SKI: variants seen among roughly 807,000 people sequenced by gnomAD.
SKI encodes the protein SKI proto-oncogene.
SKI carries 23 observed loss-of-function variants against 59.3 expected under a neutral mutation model. That is an observed-to-expected ratio of 0.39 (90% CI 0.28 to 0.55). The LOEUF is 0.55. Ranked by LOEUF, SKI falls within the 20% of genes least tolerant of loss-of-function variation. The pLI, the probability that SKI is intolerant of heterozygous loss-of-function variation, is 0.67. For missense variants in SKI, 1,017 were observed against 1,038.9 expected (o/e 0.98, Z 0.29); for synonymous variants, 673 against 488.6 (o/e 1.38, Z -4.98).
chr1:2,250,394 G>A (rs1357163592), intron 1 of SKI, among the ~76,000 whole-genome samples: 1 of 152,196 alleles, frequency 6.6e-6, no homozygotes, highest in African/African-American at 2.4e-5. Context: ...GTATGCCACT[G>A]TCCATGGCTG....
Position 2,303,650 on chromosome 1 carries a change from C to A in SKI, c.1212-190C>A. ...AGCTTCTTGATGTGTTGGCCTGTGTCTGGCCTTCGCAAGAGACCCAGCAAG... is the reference window on the plus strand; with the variant it reads ...AGCTTCTTGATGTGTTGGCCTGTGTATGGCCTTCGCAAGAGACCCAGCAAG... On this transcript the variant is annotated intron_variant, in intron 3 of 6. Transcript: ENST00000378536. This position sits in a 1 kb window ranked among gnomAD's most constrained non-coding sequence, Gnocchi z 5.6. 1 of 806,188 alleles carries A rather than the reference C, an allele frequency of 1.2e-6. No individual in the cohort carries two copies. Among genetic ancestry groups the A allele is most frequent in the Non-Finnish European group, 2.0e-6 (1 of 507,700 alleles). The allele number at this position is 806,188 out of a possible 1,614,324, so 49.9% of individuals were successfully genotyped here.
Position 2,229,342 on chromosome 1 carries a change from C to T in SKI, c.576C>T (p.Gly192=). 3 of 1,595,172 alleles carry T rather than the reference C, an allele frequency of 1.9e-6. No individual in the cohort carries two copies. The highest frequency in any genetic ancestry group is 2.6e-6 in the Non-Finnish European group (3 of 1,171,412). ...AERLCNALLY[G]GAYPPPCKKE... ...GCCTGTGCAACGCGCTGCTCTACGGCGGCGCCTACCCGCCGCCCTGCAAGA... is the reference window on the plus strand; with the variant it reads ...GCCTGTGCAACGCGCTGCTCTACGGTGGCGCCTACCCGCCGCCCTGCAAGA... Residue 192 remains glycine, a synonymous_variant, in exon 1 of 7, where the codon GGC becomes GGT. Coordinates refer to ENST00000378536, the MANE Select transcript of SKI (RefSeq NM_003036.4). This position sits in a 1 kb window ranked among gnomAD's most constrained non-coding sequence, Gnocchi z 6.3.
At chr1:2,279,453 G>T (rs1363976691) in intron 1 of SKI, among the ~76,000 whole-genome samples, 3 of 152,330 alleles carry the variant, frequency 2.0e-5, no homozygotes, top group Middle Eastern at 3.4e-3. Flanking sequence ...CCTCTCGCCT[G>T]TTCCCGCCCA....
intron 1 of SKI, among the ~76,000 whole-genome samples, chr1:2,232,102 C>T (rs543554966): frequency 1.3e-5 from 2 of 152,386 alleles, no homozygotes; most frequent in South Asian, 2.1e-4. Context: ...CCTCCGCCCT[C>T]ACTGGCCGCC....
At position 2,304,397 on chromosome 1, in the gene SKI, G is replaced by C; in HGVS notation, c.1579G>C (p.Asp527His). The stretch of plus-strand genomic sequence containing the variant: ...GCGTGCCCTGCCCTCGGCCGTCCCT[G>C]ATGCTGCGGCCCCTGCCGACGCCCC... ...GARALPSAVP[D>H]AAAPADAPSG... The change falls in exon 5 of 7, where the codon GAT (aspartate) becomes CAT (histidine). Residue 527 changes from aspartate (D) to histidine (H), a missense_variant. Physicochemically the swap from Asp to His is moderately conservative, Grantham distance 81. Coordinates refer to ENST00000378536, the MANE Select transcript of SKI (RefSeq NM_003036.4). The C allele has an allele frequency of 6.4e-7, 1 of 1,552,788 alleles. No individual in the cohort carries two copies. The highest frequency in any genetic ancestry group is 8.7e-7 in the Non-Finnish European group (1 of 1,148,194).
At chr1:2,262,921 G>A (rs1639418842) in intron 1 of SKI, among the ~76,000 whole-genome samples, 1 of 151,812 alleles carries the variant, frequency 6.6e-6, no homozygotes, top group Admixed American at 6.6e-5. Context: ...TTGTTTTTGA[G>A]ACCGAGTCTT....
In SKI at chr1:2,228,766, C is replaced by T; in HGVS notation, c.-1C>T. The T allele has an allele frequency of 1.6e-6, 2 of 1,261,562 alleles. No individual in the cohort carries two copies. The highest frequency in any genetic ancestry group is 2.0e-6 in the Non-Finnish European group (2 of 988,180). 78.1% of individuals were successfully genotyped at this position (1,261,562 alleles called of 1,614,324 possible). On this transcript the variant is annotated 5_prime_UTR_variant, in exon 1 of 7. Coordinates refer to ENST00000378536, the MANE Select transcript of SKI (RefSeq NM_003036.4). Reference sequence around the variant, plus strand: ...AGCGGCCGGGGGAGCCGGAGCGCACCATGGAGGCGGCGGCAGGCGGCCGCG... The same window carrying T: ...AGCGGCCGGGGGAGCCGGAGCGCACTATGGAGGCGGCGGCAGGCGGCCGCG...
intron 1 of SKI, among the ~76,000 whole-genome samples, chr1:2,271,263 C>G (rs914305436): frequency 4.6e-5 from 7 of 152,232 alleles, no homozygotes; most frequent in African/African-American, 1.7e-4. Context: ...CTTTTGTTCA[C>G]TGAAGAACAC....
intron 1 of SKI, among the ~76,000 whole-genome samples, chr1:2,242,449 C>T (rs1638900692): frequency 1.3e-5 from 2 of 152,204 alleles, no homozygotes; most frequent in South Asian, 2.1e-4. Flanking sequence ...TACCGTGGCC[C>T]CTTCTGGCCC....
intron 1 of SKI, among the ~76,000 whole-genome samples, chr1:2,236,335 C>T (rs1638749179): frequency 6.6e-6 from 1 of 152,222 alleles, no homozygotes; most frequent in Non-Finnish European, 1.5e-5. Flanking sequence ...ACTCTGCAGG[C>T]ACTGGCAGTC....
At chr1:2,304,844 T>G (rs1484396733) in intron 5 of SKI, among the ~76,000 whole-genome samples, 1 of 152,208 alleles carries the variant, frequency 6.6e-6, no homozygotes, top group African/African-American at 2.4e-5. Context: ...ACCACAGCTT[T>G]CCCCATCAGG....
chr1:2,251,450 T>C (rs1393125770), intron 1 of SKI, among the ~76,000 whole-genome samples: 1 of 152,154 alleles, frequency 6.6e-6, no homozygotes, highest in Non-Finnish European at 1.5e-5. Flanking sequence ...GAGGTCTTAT[T>C]TCAGAGCCGG....
rs1379818079 is a variant in SKI at position 2,269,775 on chromosome 1, G to A, written c.970-33203G>A. ...GGGCTCTGGACCAGAGCAGTGTGTGGCTGGTGGTACCTGTGGCTGGCGTGG... is the reference window on the plus strand; with the variant it reads ...GGGCTCTGGACCAGAGCAGTGTGTGACTGGTGGTACCTGTGGCTGGCGTGG... On this transcript the variant is annotated intron_variant, in intron 1 of 6. Transcript: ENST00000378536. This position sits in a 1 kb window ranked among gnomAD's most constrained non-coding sequence, Gnocchi z 4.7. 6.6e-6 allele frequency among the ~76,000 whole-genome samples: 1 copy of A among 152,016 alleles called. No homozygotes were observed. Among genetic ancestry groups the A allele is most frequent in the East Asian group, 1.9e-4 (1 of 5,174 alleles).
At chr1:2,289,976 C>T (rs1179810770) in intron 1 of SKI, among the ~76,000 whole-genome samples, 1 of 152,130 alleles carries the variant, frequency 6.6e-6, no homozygotes, top group East Asian at 1.9e-4. Flanking sequence ...CATGCCACCT[C>T]CACAGCCCCC....
At chr1:2,258,350 C>T (rs1015069233) in intron 1 of SKI, among the ~76,000 whole-genome samples, 4 of 152,048 alleles carry the variant, frequency 2.6e-5, no homozygotes, top group African/African-American at 9.7e-5. Context: ...GAGGCCGAAT[C>T]GCCCCCTAGG....
chr1:2,287,141 C>T lies in SKI; in HGVS notation c.970-15837C>T, dbSNP rs117769321. 1.6e-3 allele frequency among the ~76,000 whole-genome samples: 236 copies of T among 152,240 alleles called. 3 individuals carry two copies. In the East Asian group the frequency reaches 0.021, roughly 13 times the overall value. On this transcript the variant is annotated intron_variant, in intron 1 of 6. Transcript: ENST00000378536. ...TCTAGAGGGCCCCTGCGCACCCTCCCGCCCGGGGTGCCCTGGCCCAGGGTG... is the reference window on the plus strand; with the variant it reads ...TCTAGAGGGCCCCTGCGCACCCTCCTGCCCGGGGTGCCCTGGCCCAGGGTG...
intron 1 of SKI, among the ~76,000 whole-genome samples, chr1:2,300,826 C>T (rs185941807): frequency 6.6e-6 from 1 of 152,236 alleles, no homozygotes; most frequent in East Asian, 1.9e-4. Flanking sequence ...AGCCCATCTG[C>T]CTCAACCCTC....
rs1639592738 is a variant in SKI, at chr1:2,270,474, C to T, written c.970-32504C>T. Among the ~76,000 whole-genome samples, 1 of 152,184 alleles carries T rather than the reference C, an allele frequency of 6.6e-6. No individual in the cohort carries two copies. Among genetic ancestry groups the T allele is most frequent in the South Asian group, 2.1e-4 (1 of 4,830 alleles). ...TTTGTCCCGTTTACGAGAGGTCAGG[C>T]GGTCACAGGGTAATGGGAGGCCTGT... On this transcript the variant is annotated intron_variant, in intron 1 of 6. Transcript: ENST00000378536. This position sits in a 1 kb window ranked among gnomAD's most constrained non-coding sequence, Gnocchi z 4.1.
At chr1:2,245,566 CCT>C in intron 1 of SKI, among the ~76,000 whole-genome samples, 1 of 151,528 alleles carries the variant, frequency 6.6e-6, no homozygotes, top group East Asian at 2.0e-4. Context: ...TCCACCTCCT[CCT>C]GGGCTCAAGC....
Sources: gnomAD v4.1 joint callset for allele counts (sites outside exome capture counted in the v4.1 genomes callset) on GRCh38, gnomAD v4.1.1 for gene constraint, Gnocchi (gnomAD v3.1) non-coding constraint, MANE v1.5 for transcripts, NCBI Gene and HGNC (gene_info 2026-07-23, HGNC 2026-07-21) for gene names.